AHR: variants seen among roughly 807,000 people sequenced by gnomAD.
AHR encodes the protein aryl hydrocarbon receptor.
AHR carries 40 observed loss-of-function variants against 86.8 expected under a neutral mutation model. The observed-to-expected ratio is 0.46, with a 90% CI of 0.36 to 0.60. AHR has a LOEUF of 0.60. Among genes scored for constraint, AHR ranks in the 20% least tolerant of loss-of-function variants. AHR has a pLI of 0.00. For missense variants in AHR, 1,001 were observed against 1,011.6 expected, an observed-to-expected ratio of 0.99 and a Z score of 0.14; for synonymous variants, 398 against 354.9, an observed-to-expected ratio of 1.12 and a Z score of -1.37.
chr7:17,324,094 G>C (rs530239736), intron 3 of AHR, among the ~76,000 whole-genome samples: 1 of 152,110 alleles, frequency 6.6e-6, no homozygotes, highest in Non-Finnish European at 1.5e-5. Context: ...ACAATAATAT[G>C]AATGCAAAGC....
chr7:17,309,994 C>T lies in AHR; in HGVS notation c.124C>T (p.Arg42Ter), dbSNP rs1033356687. ...KSNPSKRHRD[R>*]LNTELDRLAS... ...AAATCCTTCCAAGCGGCATAGAGAC[C>T]GACTTAATACAGAGTTGGACCGTTT... is the stretch of plus-strand genomic sequence containing the variant. The change falls in exon 2 of 11, where the codon CGA becomes TGA. Residue 42 changes from arginine (R) to a stop codon, truncating the protein, a stop_gained. Transcript: ENST00000242057. LOFTEE classifies it high-confidence loss of function. 2.5e-6 allele frequency: 4 copies of T among 1,611,508 alleles called. No individual in the cohort carries two copies. Among genetic ancestry groups the T allele is most frequent in the Non-Finnish European group, 2.5e-6 (3 of 1,178,292 alleles).
intron 4 of AHR, 41 bp downstream of exon 4, chr7:17,327,889 T>TTTAC (rs1318136514): frequency 1.1e-6 from 1 of 900,662 alleles, no homozygotes; most frequent in African/African-American, 1.8e-5. Context: ...TATTATATCA[T>TTTAC]TTACTTTTTA....
chr7:17,309,629 G>A (rs1275487058), intron 1 of AHR, among the ~76,000 whole-genome samples: 2 of 152,174 alleles, frequency 1.3e-5, no homozygotes, highest in Non-Finnish European at 2.9e-5. Context: ...ATGCATTTGA[G>A]AGGGGAAAAA....
intron 4 of AHR, among the ~76,000 whole-genome samples, chr7:17,329,449 A>G (rs1200855786): frequency 1.3e-5 from 2 of 151,904 alleles, no homozygotes; most frequent in Admixed American, 6.6e-5. Flanking sequence ...AGAGAAGGAA[A>G]GTGGGTTTAA....
chr7:17,310,680 G>A (rs754730504), intron 2 of AHR, among the ~76,000 whole-genome samples: 48 of 151,738 alleles, frequency 3.2e-4, no homozygotes, highest in Non-Finnish European at 4.7e-4. Flanking sequence ...GATTATAGGC[G>A]CCCACCACCA....
chr7:17,342,776 GATTTAAA>G (rs1394100274), intron 10 of AHR, 138 bp from the exon 11 acceptor site: 1 of 718,386 alleles, frequency 1.4e-6, no homozygotes, highest in Non-Finnish European at 2.3e-6. Flanking sequence ...CTGTGTGAAA[GATTTAAA>G]ATTTAGCAAC....
intron 1 of AHR, among the ~76,000 whole-genome samples, chr7:17,301,016 G>A (rs1388690300): frequency 6.6e-6 from 1 of 151,990 alleles, no homozygotes; most frequent in Non-Finnish European, 1.5e-5. Context: ...TGCGTAAAAT[G>A]TACTTTTTAT....
chr7:17,315,696 A>G (rs1782108104), intron 2 of AHR, among the ~76,000 whole-genome samples: 2 of 151,924 alleles, frequency 1.3e-5, no homozygotes. Flanking sequence ...AGGGTTTGTG[A>G]TCTGGTTAAT....
chr7:17,301,410 C>T (rs1192515006), intron 1 of AHR, among the ~76,000 whole-genome samples: 6 of 151,866 alleles, frequency 4.0e-5, no homozygotes, highest in African/African-American at 1.4e-4. Context: ...CAAAACATGC[C>T]AACATTGGGG....
Position 17,310,100 on chromosome 7 carries a change from T to C in AHR, c.230T>C (p.Leu77Pro). The C allele has an allele frequency of 6.2e-7, 1 of 1,613,792 alleles. No individual in the cohort carries two copies. Reference sequence around the variant, plus strand: ...GTTCTTAGGCTCAGCGTCAGTTACCTGAGAGCCAAGAGCTTCTTTGATGGT... The same window carrying C: ...GTTCTTAGGCTCAGCGTCAGTTACCCGAGAGCCAAGAGCTTCTTTGATGGT... Reference protein sequence around the residue: ...LSVLRLSVSYLRAKSFFDVAL... With the variant: ...LSVLRLSVSYPRAKSFFDVAL... Residue 77 changes from leucine to proline, a missense_variant, in exon 2 of 11, where the codon CTG (leucine) becomes CCG (proline). Leu to Pro is a moderately conservative substitution (Grantham distance 98). Around this residue, in one of 2 missense-constraint regions of AHR, gnomAD observed 394 missense variants for 468.5 expected, o/e 0.84. Coordinates refer to ENST00000242057, the MANE Select transcript of AHR (RefSeq NM_001621.5).
At chr7:17,342,647 A>C (rs939942528) in intron 10 of AHR, among the ~76,000 whole-genome samples, 1 of 152,156 alleles carries the variant, frequency 6.6e-6, no homozygotes, top group Non-Finnish European at 1.5e-5. Flanking sequence ...ACCCAAAGGC[A>C]ATCTGAAATG....
At position 17,340,210 on chromosome 7, in the gene AHR, A is replaced by T; in HGVS notation, c.2385A>T (p.Gln795His). 6.2e-7 allele frequency: 1 copy of T among 1,608,194 alleles called. No individual in the cohort carries two copies. Among genetic ancestry groups the T allele is most frequent in the Non-Finnish European group, 8.5e-7 (1 of 1,176,402 alleles). Residue 795 changes from glutamine (Q) to histidine (H), a missense_variant, in exon 10 of 11, where the codon CAA becomes CAT. Physicochemically the swap from Gln to His is conservative, Grantham distance 24. Around this residue, in one of 2 missense-constraint regions of AHR, gnomAD observed 607 missense variants for 543.1 expected, o/e 1.12. Coordinates refer to ENST00000242057, the MANE Select transcript of AHR (RefSeq NM_001621.5). Reference sequence around the variant, plus strand: ...AGTACAATCCAGTACTGCCAGGCCAACAGGCATTTTTAAACAAGGTAAGGG... The same window carrying T: ...AGTACAATCCAGTACTGCCAGGCCATCAGGCATTTTTAAACAAGGTAAGGG... ...QMQYNPVLPGQQAFLNKFQNG... is the reference protein window; with the variant it reads ...QMQYNPVLPGHQAFLNKFQNG...
intron 2 of AHR, among the ~76,000 whole-genome samples, chr7:17,312,164 A>G (rs887121966): frequency 6.6e-6 from 1 of 152,134 alleles, no homozygotes. Context: ...GCATTTACTC[A>G]CATGCTGTGC....
chr7:17,321,022 T>C (rs922590834), intron 2 of AHR, among the ~76,000 whole-genome samples: 1 of 152,152 alleles, frequency 6.6e-6, no homozygotes, highest in African/African-American at 2.4e-5. Context: ...GGAACTCTGC[T>C]CAGACTGAGA....
intron 6 of AHR, among the ~76,000 whole-genome samples, chr7:17,331,418 C>A (rs947703950): frequency 3.3e-5 from 5 of 151,918 alleles, no homozygotes; most frequent in Non-Finnish European, 5.9e-5. Flanking sequence ...CTGATTTTGA[C>A]TATCTTCTAT....
At position 17,346,145 on chromosome 7, in the gene AHR, G is replaced by T. The variant is rs1480346310; in HGVS notation, c.*3081G>T. The T allele has an allele frequency of 6.6e-6, 1 of 152,034 alleles. No homozygotes were observed. Among genetic ancestry groups the T allele is most frequent in the Non-Finnish European group, 1.5e-5 (1 of 67,952 alleles). The allele number at this position is 152,034 out of a possible 1,614,324, so 9.4% of individuals were successfully genotyped here. ...TAATATATAATAAAATAACAAATAT[G>T]AATAATATGTTTTAATGTAAATTCT... On this transcript the variant is annotated 3_prime_UTR_variant, in exon 11 of 11. Transcript: ENST00000242057.
In AHR at chr7:17,329,776, CTT is replaced by C. The variant is rs373167426; in HGVS notation, c.451-174_451-173del. 1.3e-3 allele frequency: 634 copies of C among 497,598 alleles called. 4 individuals are homozygous for C. Among genetic ancestry groups the C allele is most frequent in the African/African-American group, 0.012 (591 of 50,752 alleles). The allele number at this position is 497,598 out of a possible 1,614,324, so 30.8% of individuals were successfully genotyped here. A position where few individuals can be genotyped will look rare whatever the true frequency, so the allele number is the denominator to read the frequency against. On this transcript the variant is annotated intron_variant, in intron 4 of 10. Coordinates refer to ENST00000242057, the MANE Select transcript of AHR (RefSeq NM_001621.5). Reference sequence around the variant, plus strand: ...GGCTTATCTGTTGTAGTGCCAGTCTCTTTAGCTTTTTCTACCTTAGGTTCTAT... The same window carrying C: ...GGCTTATCTGTTGTAGTGCCAGTCTCTAGCTTTTTCTACCTTAGGTTCTAT...
At chr7:17,310,183 T>C (rs1017513441) in intron 2 of AHR, 60 bp downstream of exon 2, 2 of 1,438,194 alleles carry the variant, frequency 1.4e-6, no homozygotes, top group Non-Finnish European at 9.5e-7. Flanking sequence ...GTACTAGATA[T>C]AGCTGTTTCT....
intron 9 of AHR, among the ~76,000 whole-genome samples, 166 bp from the exon 10 acceptor site, chr7:17,338,820 A>C (rs1241011448): frequency 6.6e-6 from 1 of 152,200 alleles, no homozygotes; most frequent in Admixed American, 6.5e-5. Flanking sequence ...TCTGAAAAAC[A>C]ATTTTATAGC....
Sources: gnomAD v4.1 joint callset for allele counts (sites outside exome capture counted in the v4.1 genomes callset) on GRCh38, gnomAD v4.1.1 for gene constraint, gnomAD v4.1.1 regional missense constraint, MANE v1.5 for transcripts, NCBI Gene and HGNC (gene_info 2026-07-23, HGNC 2026-07-21) for gene names.